The following KDELR1 variants were observed in gnomAD, a reference collection of about 807,000 sequenced individuals.
KDELR1 encodes the protein ER lumen protein-retaining receptor 1.
KDELR1 carries 16 observed loss-of-function variants against 25.5 expected under a neutral mutation model. The observed-to-expected ratio is 0.63, with a 90% CI of 0.43 to 0.95. KDELR1 has a LOEUF of 0.95. KDELR1 is among the 40% of genes least tolerant of loss of function. The pLI is 0.00. For synonymous variants in KDELR1, 121 were observed against 115.0 expected (o/e 1.05, Z -0.33); for missense variants, 159 against 265.2 (o/e 0.60, Z 2.78).
intron 1 of KDELR1, 126 bp downstream of exon 1, chr19:48,391,142 A>T: frequency 1.3e-6 from 1 of 797,058 alleles, no homozygotes. Flanking sequence ...TAGAAGAGAG[A>T]TCCCCAGCAA....
chr19:48,392,667 G>A (rs1478280292), upstream of KDELR1, among the ~76,000 whole-genome samples: 1 of 152,148 alleles, frequency 6.6e-6, no homozygotes, highest in Non-Finnish European at 1.5e-5. Context: ...GAGGATGAAG[G>A]AAACAGGAGC....
upstream of KDELR1, among the ~76,000 whole-genome samples, chr19:48,393,638 A>C (rs1013752137): frequency 6.6e-5 from 10 of 152,070 alleles, no homozygotes; most frequent in African/African-American, 2.4e-4. The surrounding 1 kb of genome is among the most constrained non-coding windows in gnomAD (Gnocchi z 5.6). Context: ...GTCTCCCGGC[A>C]GTGGCAGACG....
chr19:48,392,696 G>A (rs955608112), upstream of KDELR1, among the ~76,000 whole-genome samples: 1 of 152,158 alleles, frequency 6.6e-6, no homozygotes, highest in Non-Finnish European at 1.5e-5. Flanking sequence ...GGAGGCTCAA[G>A]GCCAAAACTC....
chr19:48,396,550 G>C (rs1258399694), upstream of KDELR1, among the ~76,000 whole-genome samples: 7 of 151,910 alleles, frequency 4.6e-5, no homozygotes, highest in African/African-American at 1.7e-4. Context: ...TTATTTTGGG[G>C]CGGAGTGGGG....
chr19:48,396,052 C>T (rs1441624164), upstream of KDELR1, among the ~76,000 whole-genome samples: 1 of 152,092 alleles, frequency 6.6e-6, no homozygotes, highest in Non-Finnish European at 1.5e-5. Context: ...GCGCTTCCGT[C>T]TGAGGAAGGC....
At chr19:48,392,283 C>A (rs544938159), upstream of KDELR1, among the ~76,000 whole-genome samples, 1 of 131,684 alleles carries the variant, frequency 7.6e-6, no homozygotes, top group African/African-American at 3.1e-5. Context: ...GGAGTCCAGA[C>A]CCCCAGCACC....
intron 3 of KDELR1, among the ~76,000 whole-genome samples, chr19:48,385,128 C>A (rs1378105439): frequency 2.0e-5 from 3 of 152,210 alleles, no homozygotes; most frequent in Admixed American, 6.5e-5. Context: ...CTCAGGTGGT[C>A]TGCCTGCCTT....
Position 48,384,550 on chromosome 19 carries a change from T to C in KDELR1, c.352-68A>G, listed in dbSNP as rs984196026. 10 of 1,548,628 alleles carry C rather than the reference T, an allele frequency of 6.5e-6. No individual in the cohort carries two copies. Among genetic ancestry groups the C allele is most frequent in the African/African-American group, 4.1e-5 (3 of 73,760 alleles). Reference sequence around the variant, plus strand: ...GCGGGAGAAAAGGCAGAGGACAACATTGCAGTTACAGGTGCCGCGAAGGTG... The same window carrying C: ...GCGGGAGAAAAGGCAGAGGACAACACTGCAGTTACAGGTGCCGCGAAGGTG... On this transcript the variant is annotated intron_variant, in intron 3 of 4. Coordinates refer to ENST00000330720, the MANE Select transcript of KDELR1 (RefSeq NM_006801.3). This position sits in a 1 kb window ranked among gnomAD's most constrained non-coding sequence, Gnocchi z 4.6.
chr19:48,383,370 C>T, intron 4 of KDELR1, 43 bp from the exon 5 acceptor site: 1 of 1,545,234 alleles, frequency 6.5e-7, no homozygotes, highest in South Asian at 1.2e-5. Flanking sequence ...GCTGGGGCCC[C>T]TGCAGGGAGG....
intron 3 of KDELR1, among the ~76,000 whole-genome samples, chr19:48,386,041 CA>C (rs2147420209): frequency 6.6e-6 from 1 of 151,976 alleles, no homozygotes; most frequent in East Asian, 1.9e-4. Context: ...GATGCCCATT[CA>C]ACTCTCACCC....
At chr19:48,395,259 T>C (rs2147430079), upstream of KDELR1, among the ~76,000 whole-genome samples, 1 of 151,280 alleles carries the variant, frequency 6.6e-6, no homozygotes, top group African/African-American at 2.4e-5. Context: ...CTTCTCCCTG[T>C]ACCCCCCTCC....
intron 1 of KDELR1, chr19:48,390,775 C>T: frequency 2.0e-6 from 1 of 511,554 alleles, no homozygotes. Context: ...GCCCAGGCCC[C>T]CGAAGCTACT....
At chr19:48,386,488 C>T (rs950916122) in intron 3 of KDELR1, among the ~76,000 whole-genome samples, 7 of 146,472 alleles carry the variant, frequency 4.8e-5, no homozygotes, top group African/African-American at 1.8e-4. Flanking sequence ...TGCTCTGTCA[C>T]CCAGGCTGGA....
upstream of KDELR1, among the ~76,000 whole-genome samples, chr19:48,396,221 C>G (rs1028683448): frequency 3.3e-5 from 5 of 151,954 alleles, no homozygotes; most frequent in Non-Finnish European, 2.9e-5. Context: ...TCTGTGATCC[C>G]TGAGGGCGTG....
In KDELR1 at chr19:48,383,032, C is replaced by T. The variant is rs981671923; in HGVS notation, c.*261G>A. The T allele has an allele frequency of 1.7e-5, 9 of 544,422 alleles. No individual in the cohort carries two copies. Among genetic ancestry groups the T allele is most frequent in the Admixed American group, 1.3e-4 (4 of 31,068 alleles). The allele number at this position is 544,422 out of a possible 1,614,324, so 33.7% of individuals were successfully genotyped here. On this transcript the variant is annotated 3_prime_UTR_variant, in exon 5 of 5. Transcript: ENST00000330720. Reference sequence around the variant, plus strand: ...TTGGGGCCACAGAGTAGAAGAAAAACGAGTCATCAGAATCAAAAACTAAAG... The same window carrying T: ...TTGGGGCCACAGAGTAGAAGAAAAATGAGTCATCAGAATCAAAAACTAAAG...
upstream of KDELR1, among the ~76,000 whole-genome samples, chr19:48,394,341 G>A (rs1236725048): frequency 1.3e-5 from 2 of 151,252 alleles, no homozygotes; most frequent in South Asian, 2.1e-4. This position sits in a 1 kb window ranked among gnomAD's most constrained non-coding sequence, Gnocchi z 5.1. Flanking sequence ...GTGGCCAAGC[G>A]AGGAAGGGGC....
chr19:48,396,010 T>G (rs909266248), upstream of KDELR1, among the ~76,000 whole-genome samples: 12 of 151,908 alleles, frequency 7.9e-5, no homozygotes, highest in African/African-American at 2.9e-4. Context: ...CCAGAAGGAC[T>G]CCTGGGTCTT....
chr19:48,388,931 G>GAAGAAAA (rs1555890279), intron 3 of KDELR1, among the ~76,000 whole-genome samples: 2 of 146,324 alleles, frequency 1.4e-5, no homozygotes, highest in South Asian at 2.2e-4. Context: ...AAAGAAAGAA[G>GAAGAAAA]GAAAGAAAGA....
upstream of KDELR1, among the ~76,000 whole-genome samples, chr19:48,393,759 TC>T (rs1258666781): frequency 2.0e-5 from 3 of 151,998 alleles, no homozygotes; most frequent in African/African-American, 7.3e-5. This position sits in a 1 kb window ranked among gnomAD's most constrained non-coding sequence, Gnocchi z 5.6. Context: ...GCCGCCACCC[TC>T]GCCCGCAGCC....
Sources: gnomAD v4.1 joint callset for allele counts (sites outside exome capture counted in the v4.1 genomes callset) on GRCh38, gnomAD v4.1.1 for gene constraint, Gnocchi (gnomAD v3.1) non-coding constraint, MANE v1.5 for transcripts, NCBI Gene and HGNC (gene_info 2026-07-23, HGNC 2026-07-21) for gene names.